ACTN1: variants seen among roughly 807,000 people sequenced by gnomAD.
ACTN1 encodes the protein alpha-actinin-1.
In ACTN1, 30 loss-of-function variants were observed where a neutral mutation model predicts 119.6. That is an observed-to-expected ratio of 0.25 (90% CI 0.19 to 0.34). ACTN1 has a LOEUF of 0.34. Among genes scored for constraint, ACTN1 ranks in the 10% least tolerant of loss-of-function variants. The pLI, the probability that ACTN1 is intolerant of heterozygous loss-of-function variation, is 1.00. For synonymous variants in ACTN1, 429 were observed against 472.6 expected, an observed-to-expected ratio of 0.91 and a Z score of 1.20; for missense variants, 764 against 1,223.4, an observed-to-expected ratio of 0.62 and a Z score of 5.60.
At chr14:68,919,075 C>A (rs1349213342) in intron 3 of ACTN1, among the ~76,000 whole-genome samples, 2 of 152,250 alleles carry the variant, frequency 1.3e-5, no homozygotes, top group African/African-American at 4.8e-5. Flanking sequence ...CCACCTTCCC[C>A]TTCCCTGCCC....
intron 13 of ACTN1, 70 bp from the exon 14 acceptor site, chr14:68,884,378 C>T: frequency 1.3e-6 from 2 of 1,530,212 alleles, no homozygotes; most frequent in Non-Finnish European, 1.8e-6. Context: ...CTATCAAGAT[C>T]CTCCTGGTGA....
At chr14:68,890,986 A>G (rs767139997) in intron 10 of ACTN1, among the ~76,000 whole-genome samples, 3 of 152,186 alleles carry the variant, frequency 2.0e-5, no homozygotes, top group Non-Finnish European at 2.9e-5. Context: ...TCTAATTCTC[A>G]TAGAGCACCC....
intron 1 of ACTN1, among the ~76,000 whole-genome samples, chr14:68,960,218 C>G (rs1016372747): frequency 3.3e-5 from 5 of 151,996 alleles, no homozygotes; most frequent in Non-Finnish European, 7.4e-5. Flanking sequence ...GAGGCAGGCA[C>G]AGTCGGTATA....
At chr14:68,937,725 G>C (rs1004652960) in intron 1 of ACTN1, among the ~76,000 whole-genome samples, 2 of 152,236 alleles carry the variant, frequency 1.3e-5, no homozygotes, top group Admixed American at 1.3e-4. Flanking sequence ...CTTCTCGTCT[G>C]ATGGTCGTTC....
chr14:68,885,311 C>A lies in ACTN1; in HGVS notation c.1385+114G>T. ...GTTGACTCCCTCCCCACCTGGGCAC[C>A]CACCTGTACCCACCCTCCCCATCTT... On this transcript the variant is annotated intron_variant, in intron 12 of 21. Coordinates refer to ENST00000394419, the MANE Select transcript of ACTN1 (RefSeq NM_001130004.2). This position sits in a 1 kb window ranked among gnomAD's most constrained non-coding sequence, Gnocchi z 5.6. 1 of 1,343,222 alleles carries A rather than the reference C, an allele frequency of 7.4e-7. No individual in the cohort carries two copies. 83.2% of individuals were successfully genotyped at this position (1,343,222 alleles called of 1,614,324 possible).
chr14:68,874,956 A>T lies in ACTN1; in HGVS notation c.2648T>A (p.Ile883Asn). ...GCCGGTGTAGGGGGCCATCCGCGCG[A>T]TGCAGTACTCAGCCTGGTCGGGTGG... ...ELPPDQAEYC[I>N]ARMAPYTGPD... Residue 883 changes from isoleucine (I) to asparagine (N), a missense_variant, in exon 22 of 22, where the codon ATC becomes AAC. By Grantham distance (149) the Ile-to-Asn change is moderately radical. Around this residue, in one of 4 missense-constraint regions of ACTN1, gnomAD observed 102 missense variants for 78.2 expected, o/e 1.30. Coordinates refer to ENST00000394419, the MANE Select transcript of ACTN1 (RefSeq NM_001130004.2). 1 of 1,613,826 alleles carries T rather than the reference A, an allele frequency of 6.2e-7. No individual in the cohort carries two copies. The highest frequency in any genetic ancestry group is 8.5e-7 in the Non-Finnish European group (1 of 1,179,982).
chr14:68,899,386 TA>T (rs2033144594), intron 8 of ACTN1, among the ~76,000 whole-genome samples: 2 of 109,726 alleles, frequency 1.8e-5, no homozygotes, highest in Non-Finnish European at 3.7e-5. Context: ...ATACACCTCA[TA>T]CACACACCTC....
At chr14:68,930,179 C>A (rs2035158127) in intron 1 of ACTN1, among the ~76,000 whole-genome samples, 1 of 152,186 alleles carries the variant, frequency 6.6e-6, no homozygotes, top group South Asian at 2.1e-4. Flanking sequence ...GTTTCTTTAG[C>A]CACAACAGGC....
chr14:68,907,025 C>A (rs2033704099), intron 6 of ACTN1, among the ~76,000 whole-genome samples: 1 of 152,072 alleles, frequency 6.6e-6, no homozygotes, highest in Admixed American at 6.6e-5. Context: ...GTAATCCCAG[C>A]ACTTTGGGAG....
chr14:68,937,676 A>C (rs1402569579), intron 1 of ACTN1, among the ~76,000 whole-genome samples: 1 of 152,190 alleles, frequency 6.6e-6, no homozygotes, highest in Non-Finnish European at 1.5e-5. Context: ...GAGCTTCTAC[A>C]CTTCCTGAAA....
At chr14:68,971,466 G>A (rs1040302667) in intron 1 of ACTN1, among the ~76,000 whole-genome samples, 4 of 152,198 alleles carry the variant, frequency 2.6e-5, no homozygotes, top group Non-Finnish European at 5.9e-5. Flanking sequence ...CCTTGGGCTT[G>A]TGAAATGCTT....
In ACTN1 at chr14:68,978,940, G is replaced by T; in HGVS notation, c.105+12C>A. The T allele has an allele frequency of 6.9e-7, 1 of 1,441,506 alleles. No homozygotes were observed. The highest frequency in any genetic ancestry group is 9.5e-7 in the Non-Finnish European group (1 of 1,047,424). The allele number at this position is 1,441,506 out of a possible 1,614,324, so 89.3% of individuals were successfully genotyped here. A position where few individuals can be genotyped will look rare whatever the true frequency, so the allele number is the denominator to read the frequency against. On this transcript the variant is annotated intron_variant, in intron 1 of 21. Transcript: ENST00000394419. ...GGGCTGGGGGCTGCAGCGGGCGGGGGCGGCTGCTAACCTTTCTCTGCTGCT... is the reference window on the plus strand; with the variant it reads ...GGGCTGGGGGCTGCAGCGGGCGGGGTCGGCTGCTAACCTTTCTCTGCTGCT...
chr14:68,904,781 A>T, intron 6 of ACTN1, 45 bp from the exon 7 acceptor site: 1 of 1,550,556 alleles, frequency 6.4e-7, no homozygotes, highest in Non-Finnish European at 8.9e-7. Context: ...GAGAGCCACC[A>T]CAAGTCACTG....
intron 1 of ACTN1, among the ~76,000 whole-genome samples, chr14:68,946,913 C>T (rs2140516018): frequency 1.3e-5 from 2 of 152,332 alleles, no homozygotes; most frequent in East Asian, 3.9e-4. Context: ...TCTAAATCTG[C>T]TTCCACCACA....
In ACTN1 at chr14:68,890,525, A is replaced by C. The variant is rs73284960; in HGVS notation, c.1087-239T>G. On this transcript the variant is annotated intron_variant, in intron 10 of 21. Transcript: ENST00000394419. ...CATGGGACCTGCATCTACATTGGTC[A>C]CCCAGCTATGGGACTTTGAGAACAG... 5.9e-3 allele frequency among the ~76,000 whole-genome samples: 900 copies of C among 152,194 alleles called. 4 individuals carry two copies. The highest frequency in any genetic ancestry group is 0.02 in the African/African-American group (847 of 41,518).
intron 3 of ACTN1, among the ~76,000 whole-genome samples, chr14:68,920,757 G>A (rs1027666964): frequency 6.6e-6 from 1 of 152,200 alleles, no homozygotes; most frequent in Non-Finnish European, 1.5e-5. Context: ...CACAGAGCAA[G>A]GACGTGGCTA....
chr14:68,939,772 T>C (rs1303222627), intron 1 of ACTN1, among the ~76,000 whole-genome samples: 1 of 152,246 alleles, frequency 6.6e-6, no homozygotes, highest in East Asian at 1.9e-4. Context: ...GGGTTAATTG[T>C]ATGGGTATGT....
chr14:68,878,748 C>G lies in ACTN1; in HGVS notation c.2362-225G>C. 6.5e-7 allele frequency: 1 copy of G among 1,540,758 alleles called. No homozygotes were observed. The highest frequency in any genetic ancestry group is 8.7e-7 in the Non-Finnish European group (1 of 1,149,726). ...AGAGCAGGGAGATGCAAAAATCCAC[C>G]CATGGGATGAAGAGCAGCGAGGACG... On this transcript the variant is annotated intron_variant, in intron 19 of 21. Coordinates refer to ENST00000394419, the MANE Select transcript of ACTN1 (RefSeq NM_001130004.2). This position sits in a 1 kb window ranked among gnomAD's most constrained non-coding sequence, Gnocchi z 4.4.
At chr14:68,962,232 A>T (rs913357865) in intron 1 of ACTN1, among the ~76,000 whole-genome samples, 4 of 152,114 alleles carry the variant, frequency 2.6e-5, no homozygotes, top group African/African-American at 9.7e-5. Flanking sequence ...TGGTCTGAGG[A>T]GGGGGTAGAG....
Sources: allele counts gnomAD v4.1 joint callset (sites outside exome capture counted in the v4.1 genomes callset), GRCh38; gene constraint gnomAD v4.1.1; regional missense constraint gnomAD v4.1.1; non-coding constraint Gnocchi (gnomAD v3.1); transcripts MANE v1.5; gene names NCBI Gene and HGNC (gene_info 2026-07-23, HGNC 2026-07-21).